The following EXOC6B variants were observed in gnomAD, a reference collection of about 807,000 sequenced individuals.
EXOC6B encodes the protein exocyst complex component 6B.
Under a neutral mutation model 113.5 loss-of-function variants are expected in EXOC6B, and 54 were observed. The observed-to-expected ratio is 0.48, with a 90% CI of 0.38 to 0.60. The LOEUF is 0.60. EXOC6B is among the 20% of genes least tolerant of loss of function. The pLI, the probability that EXOC6B is intolerant of heterozygous loss-of-function variation, is 0.00. For synonymous variants in EXOC6B, 357 were observed against 339.0 expected (o/e 1.05, Z -0.58); for missense variants, 797 against 977.5 (o/e 0.82, Z 2.46).
At chr2:72,782,525 G>T (rs1369287480) in intron 1 of EXOC6B, among the ~76,000 whole-genome samples, 14 of 152,156 alleles carry the variant, frequency 9.2e-5, no homozygotes, top group Admixed American at 8.5e-4. Flanking sequence ...ATTCCCATAT[G>T]TTGGGAAAAT....
chr2:72,387,279 A>G (rs992171132), intron 18 of EXOC6B, among the ~76,000 whole-genome samples: 4 of 152,156 alleles, frequency 2.6e-5, no homozygotes, highest in African/African-American at 7.2e-5. Flanking sequence ...TATGCAGGAT[A>G]TTAGTCTACA....
intron 20 of EXOC6B, among the ~76,000 whole-genome samples, chr2:72,272,398 C>A (rs1012659981): frequency 6.6e-6 from 1 of 152,072 alleles, no homozygotes; most frequent in Admixed American, 6.6e-5. Flanking sequence ...TTCAGCAAAT[C>A]CTGTGATCAC....
intron 20 of EXOC6B, among the ~76,000 whole-genome samples, chr2:72,309,321 T>C (rs1459457440): frequency 6.6e-6 from 1 of 152,192 alleles, no homozygotes; most frequent in Middle Eastern, 3.2e-3. Context: ...TAAATACTTG[T>C]AATGTTTTTC....
intron 1 of EXOC6B, among the ~76,000 whole-genome samples, chr2:72,781,339 G>T (rs1684023865): frequency 6.6e-6 from 1 of 152,094 alleles, no homozygotes; most frequent in Admixed American, 6.5e-5. Flanking sequence ...AAATTTCAGT[G>T]GCTTAAAACA....
intron 17 of EXOC6B, among the ~76,000 whole-genome samples, chr2:72,468,062 T>G (rs906584348): frequency 6.6e-6 from 1 of 151,922 alleles, no homozygotes; most frequent in African/African-American, 2.4e-5. Flanking sequence ...TGAGCCACCA[T>G]GCTCTGCCTG....
In EXOC6B at chr2:72,474,234, C is replaced by T. The variant is rs114613541; in HGVS notation, c.1800+6382G>A. 2.9e-3 allele frequency among the ~76,000 whole-genome samples: 441 copies of T among 152,012 alleles called. 1 individual carries two copies. The highest frequency in any genetic ancestry group is 0.01 in the African/African-American group (417 of 41,474). ...TTTAGATAGTTTAACTATAATGTGC[C>T]GTGGAGAGAATACTCTTTTTGCATT... On this transcript the variant is annotated intron_variant, in intron 17 of 21. Transcript: ENST00000272427.
At chr2:72,441,030 G>C (rs1320256223) in intron 18 of EXOC6B, among the ~76,000 whole-genome samples, 2 of 152,112 alleles carry the variant, frequency 1.3e-5, no homozygotes, top group East Asian at 3.9e-4. Flanking sequence ...TAGTGTAACT[G>C]GTCTATGTAC....
chr2:72,792,116 G>T (rs1184610226), intron 1 of EXOC6B, among the ~76,000 whole-genome samples: 2 of 152,198 alleles, frequency 1.3e-5, no homozygotes, highest in African/African-American at 4.8e-5. Flanking sequence ...ATACATCTCA[G>T]CTAATTACTT....
At chr2:72,760,165 A>T (rs1000845275) in intron 1 of EXOC6B, among the ~76,000 whole-genome samples, 7 of 152,224 alleles carry the variant, frequency 4.6e-5, no homozygotes, top group Non-Finnish European at 8.8e-5. Flanking sequence ...TCTTGAAAAG[A>T]AATTTTAAGA....
chr2:72,248,375 T>A lies in EXOC6B; in HGVS notation c.2197-64188A>T, dbSNP rs377188290. On this transcript the variant is annotated intron_variant, in intron 20 of 21. Transcript: ENST00000272427. ...AGTAGAGACACTTCAAATATAATGG[T>A]TTTATCTGGATTCGTAAAACTGTAA... Among the ~76,000 whole-genome samples the A allele has an allele frequency of 1.9e-3, 282 of 152,260 alleles. 1 individual carries two copies. Among genetic ancestry groups the A allele is most frequent in the African/African-American group, 6.2e-3 (258 of 41,554 alleles).
intron 6 of EXOC6B, among the ~76,000 whole-genome samples, chr2:72,642,700 A>G (rs1558873261): frequency 1.3e-5 from 2 of 150,598 alleles, no homozygotes; most frequent in Admixed American, 6.6e-5. Flanking sequence ...GGACATAGGC[A>G]TGGGCAAGGA....
intron 6 of EXOC6B, among the ~76,000 whole-genome samples, chr2:72,649,259 G>C (rs908176040): frequency 6.6e-6 from 1 of 152,154 alleles, no homozygotes. Context: ...AAAACAGCTA[G>C]ATAGAATGAA....
At chr2:72,344,381 G>A (rs1266593515) in intron 19 of EXOC6B, among the ~76,000 whole-genome samples, 1 of 151,462 alleles carries the variant, frequency 6.6e-6, no homozygotes, top group Non-Finnish European at 1.5e-5. Context: ...ATCTTTATGA[G>A]AGTTGTTTTA....
At chr2:72,333,172 G>A (rs938261569) in intron 20 of EXOC6B, among the ~76,000 whole-genome samples, 17 of 152,232 alleles carry the variant, frequency 1.1e-4, no homozygotes, top group Non-Finnish European at 2.5e-4. Context: ...ACTCTGGGAA[G>A]AGAAATGTAA....
chr2:72,499,227 T>C (rs1337293022), intron 12 of EXOC6B, among the ~76,000 whole-genome samples: 1 of 150,866 alleles, frequency 6.6e-6, no homozygotes, highest in Non-Finnish European at 1.5e-5. Flanking sequence ...CAAGCTTATG[T>C]AGATTTTTTT....
chr2:72,261,397 A>C (rs1201413738), intron 20 of EXOC6B, among the ~76,000 whole-genome samples: 2 of 152,308 alleles, frequency 1.3e-5, no homozygotes, highest in East Asian at 3.9e-4. Context: ...AAAAGTACAG[A>C]TCTTTTAGAA....
chr2:72,620,007 G>A (rs1056900414), intron 6 of EXOC6B, among the ~76,000 whole-genome samples: 2 of 152,218 alleles, frequency 1.3e-5, no homozygotes, highest in African/African-American at 2.4e-5. Flanking sequence ...AGAAAGGACG[G>A]CTTCCCCGCA....
intron 1 of EXOC6B, among the ~76,000 whole-genome samples, chr2:72,820,170 T>C (rs1364405526): frequency 2.6e-5 from 4 of 152,152 alleles, no homozygotes; most frequent in Non-Finnish European, 5.9e-5. Context: ...TTGTTTCTTG[T>C]TTATAAAGAG....
intron 19 of EXOC6B, among the ~76,000 whole-genome samples, chr2:72,371,355 C>T (rs923634351): frequency 6.6e-6 from 1 of 152,106 alleles, no homozygotes; most frequent in Non-Finnish European, 1.5e-5. Context: ...ATCAGTATTA[C>T]CCTGATACTA....
Sources: gnomAD v4.1 joint callset for allele counts (sites outside exome capture counted in the v4.1 genomes callset) on GRCh38, gnomAD v4.1.1 for gene constraint, MANE v1.5 for transcripts, NCBI Gene and HGNC (gene_info 2026-07-23, HGNC 2026-07-21) for gene names.